The following CALN1 variants were observed in gnomAD, a reference collection of about 807,000 sequenced individuals.
The protein encoded by CALN1 is calcium-binding protein 8.
In CALN1, 17 loss-of-function variants were observed where a neutral mutation model predicts 30.6. The observed-to-expected ratio is 0.56, with a 90% CI of 0.38 to 0.83. The LOEUF (loss-of-function observed/expected upper bound fraction) is 0.83. Among genes scored for constraint, CALN1 ranks in the 40% least tolerant of loss-of-function variants. The pLI is 0.00. For synonymous variants in CALN1, 156 were observed against 131.4 expected (o/e 1.19, Z -1.28); for missense variants, 291 against 354.9 (o/e 0.82, Z 1.45).
At chr7:72,143,776 C>A (rs554941516) in intron 3 of CALN1, among the ~76,000 whole-genome samples, 196 of 152,322 alleles carry the variant, frequency 1.3e-3, no homozygotes, top group Non-Finnish European at 1.8e-3. Flanking sequence ...CAGCTGATCT[C>A]TCGGCAGAAA....
At chr7:72,096,378 G>T (rs1216584018) in intron 4 of CALN1, among the ~76,000 whole-genome samples, 1 of 152,140 alleles carries the variant, frequency 6.6e-6, no homozygotes, top group Non-Finnish European at 1.5e-5. Context: ...AGACCTTCTT[G>T]CTCCTGCAAA....
At chr7:71,975,286 C>T (rs1456659012) in intron 5 of CALN1, among the ~76,000 whole-genome samples, 1 of 152,136 alleles carries the variant, frequency 6.6e-6, no homozygotes, top group African/African-American at 2.4e-5. Flanking sequence ...TCATAAAAAA[C>T]AATAAAGTTT....
chr7:72,462,800 G>A, the CALN1 span, among the ~76,000 whole-genome samples: 3 of 152,206 alleles, frequency 2.0e-5, no homozygotes, highest in Non-Finnish European at 4.4e-5. Context: ...GGGTTCAACC[G>A]TGATTGTGCC....
intron 5 of CALN1, among the ~76,000 whole-genome samples, chr7:71,979,398 T>C (rs1341254809): frequency 1.3e-5 from 2 of 152,242 alleles, no homozygotes; most frequent in East Asian, 3.9e-4. Flanking sequence ...CTGGGGGTGA[T>C]GGGAGACAGT....
In CALN1 at chr7:72,216,647, A is replaced by G. The variant is rs549167302; in HGVS notation, c.244+62039T>C. ...TCTCACTCCTGAGTTCTAGACATAG[A>G]GAACAGTTATTGAACCAGATACACC... On this transcript the variant is annotated intron_variant, in intron 3 of 6. Transcript: ENST00000395275. Among the ~76,000 whole-genome samples the G allele has an allele frequency of 7.9e-5, 12 of 152,198 alleles. No homozygotes were observed. In the East Asian group the frequency reaches 2.3e-3, roughly 29 times the overall value.
intron 5 of CALN1, among the ~76,000 whole-genome samples, chr7:71,891,068 A>C (rs1207799056): frequency 1.3e-5 from 2 of 152,038 alleles, no homozygotes; most frequent in Non-Finnish European, 2.9e-5. Context: ...CTTTCAACCT[A>C]AATGTCTACC....
chr7:72,448,003 T>C (rs965408317), upstream of CALN1, among the ~76,000 whole-genome samples: 2 of 147,256 alleles, frequency 1.4e-5, no homozygotes, highest in Admixed American at 6.7e-5. Context: ...CACACACACA[T>C]GCCTGCCCAG....
chr7:72,354,715 C>A (rs910767070), intron 2 of CALN1, among the ~76,000 whole-genome samples: 5 of 152,038 alleles, frequency 3.3e-5, no homozygotes, highest in African/African-American at 1.2e-4. Context: ...TCTTTTCATC[C>A]AGTTCTGCTG....
At chr7:72,359,990 A>AAAAAAAAAAAC (rs1365927582) in intron 2 of CALN1, among the ~76,000 whole-genome samples, 29 of 148,274 alleles carry the variant, frequency 2.0e-4, no homozygotes, top group Non-Finnish European at 2.8e-4. Flanking sequence ...AAAAAAAAAA[A>AAAAAAAAAAAC]ACCAAAGTTG....
chr7:72,356,955 G>A (rs1803269883), intron 2 of CALN1, among the ~76,000 whole-genome samples: 1 of 151,878 alleles, frequency 6.6e-6, no homozygotes, highest in Non-Finnish European at 1.5e-5. Context: ...CTTTGGTTTT[G>A]CTTTGGTTTT....
intron 2 of CALN1, among the ~76,000 whole-genome samples, chr7:72,355,041 TG>T (rs1803148780): frequency 6.6e-6 from 1 of 152,074 alleles, no homozygotes; most frequent in South Asian, 2.1e-4. Flanking sequence ...CCGGAATAGC[TG>T]GGACTACAGG....
chr7:71,833,573 TAAAGAAAA>T lies in CALN1; in HGVS notation c.502-23089_502-23082del, dbSNP rs1372803689. ...ATGGAAAATACAGGATATAACATGG[TAAAGAAAA>T]AAAAAAAAAAGACCAAATAGAGGAT... On this transcript the variant is annotated intron_variant, in intron 5 of 6. Coordinates refer to ENST00000395275, the MANE Select transcript of CALN1 (RefSeq NM_031468.4). Among the ~76,000 whole-genome samples the T allele has an allele frequency of 4.1e-4, 40 of 97,098 alleles. No individual in the cohort carries two copies. The East Asian group carries it at 4.3e-3, about 11-fold the overall frequency. The allele number at this position is 97,098 out of a possible 152,430, so 63.7% of individuals were successfully genotyped here.
intron 2 of CALN1, among the ~76,000 whole-genome samples, chr7:72,280,029 C>G (rs1797627839): frequency 6.6e-6 from 1 of 152,300 alleles, no homozygotes; most frequent in African/African-American, 2.4e-5. Flanking sequence ...CAGTTAGTGA[C>G]AGAAGTTGTT....
chr7:71,985,165 C>A (rs1434125725), intron 5 of CALN1, among the ~76,000 whole-genome samples: 1 of 152,126 alleles, frequency 6.6e-6, no homozygotes, highest in Non-Finnish European at 1.5e-5. Flanking sequence ...GAGAACCCAA[C>A]TGGCCAATAA....
intron 5 of CALN1, among the ~76,000 whole-genome samples, chr7:71,905,731 T>C (rs1794097279): frequency 6.6e-6 from 1 of 152,108 alleles, no homozygotes; most frequent in African/African-American, 2.4e-5. Context: ...ATATGTCCTC[T>C]AAAGTGAAAA....
At chr7:72,356,261 A>G (rs1389808323) in intron 2 of CALN1, among the ~76,000 whole-genome samples, 1 of 150,190 alleles carries the variant, frequency 6.7e-6, no homozygotes, top group Non-Finnish European at 1.5e-5. Flanking sequence ...AGCACTGGAA[A>G]TACCAAATAT....
At chr7:71,806,305 CCTT>C (rs1445007164) in intron 6 of CALN1, among the ~76,000 whole-genome samples, 5 of 140,786 alleles carry the variant, frequency 3.6e-5, no homozygotes, top group Non-Finnish European at 4.5e-5. Context: ...GTTTCCCCCT[CCTT>C]TTTTTTTTTT....
intron 3 of CALN1, among the ~76,000 whole-genome samples, chr7:72,223,792 T>C (rs532206968): frequency 5.9e-5 from 9 of 152,266 alleles, no homozygotes; most frequent in Admixed American, 2.0e-4. Context: ...ATGTGGTGCA[T>C]AGACACCATG....
intron 3 of CALN1, among the ~76,000 whole-genome samples, chr7:72,162,671 A>G (rs1319821325): frequency 6.6e-6 from 1 of 152,150 alleles, no homozygotes. Context: ...CCTGGGAGGC[A>G]GAGATTGCAG....
Sources: gnomAD v4.1 joint callset for allele counts (sites outside exome capture counted in the v4.1 genomes callset) on GRCh38, gnomAD v4.1.1 for gene constraint, MANE v1.5 for transcripts, NCBI Gene and HGNC (gene_info 2026-07-23, HGNC 2026-07-21) for gene names.